The following LSM12 variants were observed in gnomAD, a reference collection of about 807,000 sequenced individuals.
LSM12 encodes LSM12 homolog, also known as protein LSM12.
For synonymous variants in LSM12, 74 were observed against 87.3 expected (o/e 0.85, Z 0.85); for missense variants, 108 against 238.9 (o/e 0.45, Z 3.61).
At chr17:44,066,429 C>T (rs201137147) in intron 1 of LSM12, 35 bp downstream of exon 1, 7 of 1,542,572 alleles carry the variant, frequency 4.5e-6, no homozygotes, top group South Asian at 1.2e-5. Flanking sequence ...ACCTACACGC[C>T]GGCCCGGACT....
chr17:44,047,445 C>T (rs1331661572), intron 2 of LSM12, among the ~76,000 whole-genome samples: 1 of 152,106 alleles, frequency 6.6e-6, no homozygotes, highest in East Asian at 1.9e-4. Context: ...CAGGGTTTCA[C>T]CACGTTGGCC....
intron 1 of LSM12, among the ~76,000 whole-genome samples, chr17:44,064,195 G>GT (rs1346751682): frequency 6.6e-5 from 10 of 152,134 alleles, no homozygotes; most frequent in African/African-American, 2.4e-4. Flanking sequence ...GATTTAATGC[G>GT]TTTGTCTTGA....
chr17:44,063,685 AAC>A, intron 2 of LSM12, 114 bp downstream of exon 2: 1 of 1,212,228 alleles, frequency 8.2e-7, no homozygotes, highest in Non-Finnish European at 1.1e-6. Flanking sequence ...TATCAGAACA[AAC>A]AATTTTAAGT....
intron 1 of LSM12, 102 bp downstream of exon 1, chr17:44,066,362 C>G (rs2049877154): frequency 6.9e-7 from 1 of 1,443,592 alleles, no homozygotes; most frequent in African/African-American, 1.5e-5. Context: ...GCCGGTCGCC[C>G]CTAGGCCCGG....
chr17:44,037,673 G>A (rs2049433279), intron 3 of LSM12, 135 bp from the exon 4 acceptor site: 1 of 1,029,134 alleles, frequency 9.7e-7, no homozygotes. Context: ...GATGCCAGCA[G>A]CCCATATAGT....
At chr17:44,037,344 G>A (rs886860124) in intron 4 of LSM12, 68 bp downstream of exon 4, 30 of 1,493,108 alleles carry the variant, frequency 2.0e-5, no homozygotes, top group Non-Finnish European at 2.5e-5. Flanking sequence ...GTCCTGGTCT[G>A]GTGCTAAAGA....
chr17:44,051,769 T>C (rs1249356074), intron 2 of LSM12, among the ~76,000 whole-genome samples: 2 of 151,764 alleles, frequency 1.3e-5, no homozygotes, highest in East Asian at 3.9e-4. Context: ...AGTCCAGGGG[T>C]GCAAGACCAG....
chr17:44,045,171 G>GCA (rs1415487769), intron 2 of LSM12, among the ~76,000 whole-genome samples: 1 of 151,986 alleles, frequency 6.6e-6, no homozygotes, highest in African/African-American at 2.4e-5. Flanking sequence ...GGGATTACAG[G>GCA]TGCCCACCAC....
chr17:44,054,982 G>A (rs2049692480), intron 2 of LSM12, among the ~76,000 whole-genome samples: 1 of 151,902 alleles, frequency 6.6e-6, no homozygotes, highest in African/African-American at 2.4e-5. Flanking sequence ...GGGACTACAG[G>A]CGTGTGCCAC....
Position 44,034,691 on chromosome 17 carries a change from A to T in LSM12, c.*1517T>A, listed in dbSNP as rs564681210. ...TTTGCTAAATAATACTAAAAAAAAA[A>T]TTTCATTTTGAAGGCAGGGCTTGAA... On this transcript the variant is annotated 3_prime_UTR_variant, in exon 5 of 5. Transcript: ENST00000293406. 2.0e-5 allele frequency: 3 copies of T among 150,564 alleles called. No individual in the cohort carries two copies. Among genetic ancestry groups the T allele is most frequent in the South Asian group, 2.1e-4 (1 of 4,692 alleles). The allele number at this position is 150,564 out of a possible 1,614,324, so 9.3% of individuals were successfully genotyped here.
At chr17:44,059,435 A>G (rs1367727477) in intron 2 of LSM12, among the ~76,000 whole-genome samples, 2 of 152,106 alleles carry the variant, frequency 1.3e-5, no homozygotes, top group African/African-American at 4.8e-5. Context: ...CTAAAAATAG[A>G]AAAATTAGCC....
intron 2 of LSM12, among the ~76,000 whole-genome samples, chr17:44,043,996 G>A (rs1352275181): frequency 6.6e-6 from 1 of 152,010 alleles, no homozygotes; most frequent in East Asian, 1.9e-4. Flanking sequence ...CCGAATGCTG[G>A]GTCAGAGAAA....
chr17:44,047,485 G>T (rs1282244218), intron 2 of LSM12, among the ~76,000 whole-genome samples: 1 of 152,066 alleles, frequency 6.6e-6, no homozygotes, highest in Non-Finnish European at 1.5e-5. Flanking sequence ...GACCTCAGGT[G>T]ATTCACCTGC....
intron 2 of LSM12, among the ~76,000 whole-genome samples, chr17:44,062,800 A>T (rs2049815924): frequency 6.6e-6 from 1 of 151,852 alleles, no homozygotes; most frequent in African/African-American, 2.4e-5. Context: ...AGGCAAGCAG[A>T]CTGCCTGAGC....
Position 44,061,601 on chromosome 17 carries a change from T to C in LSM12, c.258+2200A>G, listed in dbSNP as rs1427170159. ...GAACTCCAGATCTGAGGTAACGACA[T>C]TCACTAGCCTCAGCATCAGTTACCC... On this transcript the variant is annotated intron_variant, in intron 2 of 4. Coordinates refer to ENST00000293406, the MANE Select transcript of LSM12 (RefSeq NM_001371445.1). 1.3e-5 allele frequency among the ~76,000 whole-genome samples: 2 copies of C among 152,230 alleles called. 1 individual carries two copies. The highest frequency in any genetic ancestry group is 2.9e-5 in the Non-Finnish European group (2 of 68,030).
At chr17:44,045,038 T>G (rs1022335740) in intron 2 of LSM12, among the ~76,000 whole-genome samples, 1 of 152,006 alleles carries the variant, frequency 6.6e-6, no homozygotes, top group African/African-American at 2.4e-5. Context: ...ATCTATTTCT[T>G]TTTTTTTGAG....
At chr17:44,047,656 T>G (rs1177167571) in intron 2 of LSM12, among the ~76,000 whole-genome samples, 1 of 151,834 alleles carries the variant, frequency 6.6e-6, no homozygotes, top group Non-Finnish European at 1.5e-5. Flanking sequence ...TTGACCTCCT[T>G]GGCTAAAGCA....
intron 2 of LSM12, among the ~76,000 whole-genome samples, chr17:44,044,900 T>G (rs1327898600): frequency 1.3e-5 from 2 of 152,202 alleles, no homozygotes; most frequent in African/African-American, 4.8e-5. Flanking sequence ...ATGGCCCAAT[T>G]ATTCCAAGTT....
chr17:44,066,343 G>T, intron 1 of LSM12, 121 bp downstream of exon 1: 3 of 1,309,410 alleles, frequency 2.3e-6, no homozygotes, highest in Non-Finnish European at 1.0e-6. Flanking sequence ...CGCCCCGGGC[G>T]CCGCGGTAGC....
Sources: allele counts gnomAD v4.1 joint callset (sites outside exome capture counted in the v4.1 genomes callset), GRCh38; gene constraint gnomAD v4.1.1; transcripts MANE v1.5; gene names NCBI Gene and HGNC (gene_info 2026-07-23, HGNC 2026-07-21).